The following LRBA variants were observed in gnomAD, a reference collection of about 807,000 sequenced individuals.
The protein encoded by LRBA is lipopolysaccharide-responsive and beige-like anchor protein.
In LRBA, 176 loss-of-function variants were observed where a neutral mutation model predicts 330.0. That is an observed-to-expected ratio of 0.53 (90% confidence interval 0.47 to 0.60). The LOEUF (loss-of-function observed/expected upper bound fraction) is 0.60, where lower values mean the gene tolerates loss of function less well. Among genes scored for constraint, LRBA ranks in the 20% least tolerant of loss-of-function variants. LRBA has a pLI of 0.00. For missense variants in LRBA, 3,259 were observed against 3,444.8 expected, an observed-to-expected ratio of 0.95 and a Z score of 1.35; for synonymous variants, 1,230 against 1,193.0, an observed-to-expected ratio of 1.03 and a Z score of -0.64.
rs372689984 is a variant in LRBA at position 150,584,145 on chromosome 4, G to C, written c.6330+3903C>G. On this transcript the variant is annotated intron_variant, in intron 40 of 56. Transcript: ENST00000651943. ...ACTGCTTGAAAAGCGACACAAACGGGCGTGCTCTCTCAGACACACAACTCT... is the reference window on the plus strand; with the variant it reads ...ACTGCTTGAAAAGCGACACAAACGGCCGTGCTCTCTCAGACACACAACTCT... 6.1e-5 allele frequency: 92 copies of C among 1,502,042 alleles called. No homozygotes were observed. The African/African-American group carries it at 9.4e-4, about 15-fold the overall frequency. The allele number at this position is 1,502,042 out of a possible 1,614,324, so 93.0% of individuals were successfully genotyped here.
intron 52 of LRBA, among the ~76,000 whole-genome samples, chr4:150,303,639 T>C (rs1729966827): frequency 6.6e-6 from 1 of 152,100 alleles, no homozygotes; most frequent in Non-Finnish European, 1.5e-5. Context: ...TGGCGCGATC[T>C]TGGCTCACTG....
chr4:150,820,436 T>A (rs1285522622), intron 30 of LRBA, among the ~76,000 whole-genome samples: 1 of 152,010 alleles, frequency 6.6e-6, no homozygotes, highest in Non-Finnish European at 1.5e-5. Context: ...AATTTTAGAA[T>A]CATCTATAAT....
At chr4:150,963,793 G>C (rs541410114) in intron 2 of LRBA, among the ~76,000 whole-genome samples, 81 of 142,166 alleles carry the variant, frequency 5.7e-4, no homozygotes, top group South Asian at 1.1e-3. Context: ...CCCTCCGCCC[G>C]GCCCCCCAGT....
chr4:150,934,302 C>T (rs1369125617), intron 2 of LRBA, among the ~76,000 whole-genome samples: 1 of 152,212 alleles, frequency 6.6e-6, no homozygotes, highest in South Asian at 2.1e-4. Context: ...AAATCTCATA[C>T]TTACATATTG....
chr4:150,871,184 A>T (rs571862072), intron 19 of LRBA, among the ~76,000 whole-genome samples, 161 bp downstream of exon 19: 1 of 152,214 alleles, frequency 6.6e-6, no homozygotes, highest in Admixed American at 6.5e-5. Context: ...TGGAGGTTGC[A>T]GTGAGCCAAG....
chr4:150,547,106 T>C (rs991809975), intron 40 of LRBA, among the ~76,000 whole-genome samples: 112 of 152,184 alleles, frequency 7.4e-4, no homozygotes, highest in Non-Finnish European at 1.4e-3. Flanking sequence ...ACTTAGAAAG[T>C]ATTTAAAAAT....
At chr4:150,837,591 T>G (rs1748329995) in intron 28 of LRBA, among the ~76,000 whole-genome samples, 1 of 152,216 alleles carries the variant, frequency 6.6e-6, no homozygotes, top group Non-Finnish European at 1.5e-5. Context: ...AAAGTCTGTT[T>G]TATCAGAGAC....
intron 47 of LRBA, among the ~76,000 whole-genome samples, chr4:150,373,327 C>A (rs531263347): frequency 6.6e-6 from 1 of 152,082 alleles, no homozygotes; most frequent in East Asian, 1.9e-4. Context: ...TATTACATAG[C>A]AACAAACAAC....
intron 36 of LRBA, among the ~76,000 whole-genome samples, chr4:150,731,758 T>C (rs548485538): frequency 6.6e-6 from 1 of 152,128 alleles, no homozygotes; most frequent in East Asian, 1.9e-4. Context: ...ACAGAACAAA[T>C]GAGTAAGATC....
chr4:150,766,523 T>C (rs1318833325), intron 34 of LRBA, among the ~76,000 whole-genome samples: 1 of 152,160 alleles, frequency 6.6e-6, no homozygotes, highest in Non-Finnish European at 1.5e-5. Flanking sequence ...TCCTGAACTA[T>C]GCTATCCTAA....
At chr4:150,340,114 C>T (rs1735316521) in intron 48 of LRBA, among the ~76,000 whole-genome samples, 1 of 152,112 alleles carries the variant, frequency 6.6e-6, no homozygotes, top group African/African-American at 2.4e-5. Context: ...CTTCCCCTTT[C>T]ACCATGGCTG....
intron 2 of LRBA, among the ~76,000 whole-genome samples, chr4:150,983,391 G>A (rs2149608974): frequency 6.6e-6 from 1 of 152,022 alleles, no homozygotes; most frequent in Middle Eastern, 3.4e-3. Flanking sequence ...GGAGGTTGAG[G>A]CTGCAGTGAG....
intron 50 of LRBA, among the ~76,000 whole-genome samples, chr4:150,319,247 T>A (rs1732150333): frequency 6.6e-6 from 1 of 152,140 alleles, no homozygotes; most frequent in South Asian, 2.1e-4. Context: ...GTCAGGGCTT[T>A]CCAGCAGTTG....
intron 34 of LRBA, among the ~76,000 whole-genome samples, chr4:150,771,562 G>A (rs191169721): frequency 6.6e-6 from 1 of 152,332 alleles, no homozygotes; most frequent in Admixed American, 6.5e-5. Flanking sequence ...TTTGTATCCA[G>A]AGTGAGTGTC....
chr4:150,451,338 T>C (rs185586093), intron 44 of LRBA, among the ~76,000 whole-genome samples: 3 of 151,826 alleles, frequency 2.0e-5, no homozygotes, highest in African/African-American at 7.3e-5. Context: ...TGAAAAGAAC[T>C]GAAATCATAC....
chr4:150,547,450 G>T (rs1765986770), intron 40 of LRBA, among the ~76,000 whole-genome samples: 1 of 152,162 alleles, frequency 6.6e-6, no homozygotes, highest in Non-Finnish European at 1.5e-5. Flanking sequence ...AGAATCTGAA[G>T]TATTGTTCCC....
chr4:150,994,035 A>G (rs960348240), intron 2 of LRBA, among the ~76,000 whole-genome samples: 1 of 150,544 alleles, frequency 6.6e-6, no homozygotes, highest in Non-Finnish European at 1.5e-5. Context: ...ACTGCACTCC[A>G]GCCTGGGCGA....
chr4:150,278,308 T>A (rs1747071196), intron 55 of LRBA, among the ~76,000 whole-genome samples: 1 of 152,232 alleles, frequency 6.6e-6, no homozygotes, highest in Admixed American at 6.5e-5. Flanking sequence ...AGTGCTCTAA[T>A]GAGAAGCCCT....
chr4:150,392,022 A>G (rs1744043769), intron 47 of LRBA, among the ~76,000 whole-genome samples: 1 of 151,716 alleles, frequency 6.6e-6, no homozygotes, highest in Admixed American at 6.6e-5. Context: ...TTCTTACTGA[A>G]ACATCTGCCT....
Sources: gnomAD v4.1 joint callset for allele counts (sites outside exome capture counted in the v4.1 genomes callset) on GRCh38, gnomAD v4.1.1 for gene constraint, MANE v1.5 for transcripts, NCBI Gene and HGNC (gene_info 2026-07-23, HGNC 2026-07-21) for gene names.